Variants in ITFG1 observed in about 807,000 individuals in gnomAD.
The protein encoded by ITFG1 is T-cell immunomodulatory protein.
ITFG1 carries 34 observed loss-of-function variants against 81.8 expected under a neutral mutation model. That is an observed-to-expected ratio of 0.42 (90% CI 0.32 to 0.55). ITFG1 has a LOEUF of 0.55. Among genes scored for constraint, ITFG1 ranks in the 20% least tolerant of loss-of-function variants. The probability of loss-of-function intolerance (pLI) is 0.17; values close to 1 mark genes in which losing one functional copy is unlikely to be tolerated. For synonymous variants in ITFG1, 285 were observed against 270.6 expected (o/e 1.05, Z -0.52); for missense variants, 672 against 755.4 (o/e 0.89, Z 1.29).
chr16:47,296,521 C>T (rs999346231), intron 10 of ITFG1, among the ~76,000 whole-genome samples: 5 of 152,078 alleles, frequency 3.3e-5, no homozygotes, highest in African/African-American at 7.2e-5. Context: ...CTGAAACTTC[C>T]GCCTCCCGGA....
intron 12 of ITFG1, among the ~76,000 whole-genome samples, chr16:47,242,753 A>C (rs1567433379): frequency 6.6e-6 from 1 of 152,150 alleles, no homozygotes; most frequent in Admixed American, 6.5e-5. Context: ...AATTTCTGTG[A>C]AGGGACATCT....
intron 12 of ITFG1, among the ~76,000 whole-genome samples, chr16:47,250,163 C>T (rs905007300): frequency 6.6e-6 from 1 of 151,810 alleles, no homozygotes; most frequent in East Asian, 1.9e-4. Context: ...GTCATTTAGA[C>T]GACATTATTT....
rs183844281 is a variant in ITFG1, at chr16:47,204,321, T to G, written c.1453+14547A>C. On this transcript the variant is annotated intron_variant, in intron 14 of 17. Transcript: ENST00000320640. ...AATTTCAAAACAACTACTTTATGATTTCAAAGTTTGAATTTCTGTGAGTCA... is the reference window on the plus strand; with the variant it reads ...AATTTCAAAACAACTACTTTATGATGTCAAAGTTTGAATTTCTGTGAGTCA... Among the ~76,000 whole-genome samples the G allele has an allele frequency of 9.4e-4, 143 of 152,328 alleles. 1 individual carries two copies. Among genetic ancestry groups the G allele is most frequent in the African/African-American group, 3.3e-3 (139 of 41,576 alleles).
intron 6 of ITFG1, among the ~76,000 whole-genome samples, chr16:47,403,914 A>G (rs956660102): frequency 6.6e-6 from 1 of 150,586 alleles, no homozygotes; most frequent in Non-Finnish European, 1.5e-5. Context: ...GCATGGCATC[A>G]CCCTCAGAAG....
intron 8 of ITFG1, among the ~76,000 whole-genome samples, chr16:47,318,934 C>T (rs1456984664): frequency 6.6e-6 from 1 of 152,046 alleles, no homozygotes; most frequent in East Asian, 1.9e-4. Flanking sequence ...GGGTATTATC[C>T]CATCTATCGT....
At chr16:47,396,524 T>TGTGTGTGTGTGTGTGTGTTTGTG in intron 6 of ITFG1, among the ~76,000 whole-genome samples, 1 of 149,208 alleles carries the variant, frequency 6.7e-6, no homozygotes, top group African/African-American at 2.5e-5. Flanking sequence ...AATAATTATT[T>TGTGTGTGTGTGTGTGTGTTTGTG]TGTGTGTGTG....
chr16:47,161,678 A>C, intron 16 of ITFG1, 72 bp downstream of exon 16: 1 of 983,016 alleles, frequency 1.0e-6, no homozygotes, highest in Non-Finnish European at 1.6e-6. Context: ...GAGAGAGCTT[A>C]AAAGACATCA....
At chr16:47,435,965 T>C (rs1050894317) in intron 5 of ITFG1, among the ~76,000 whole-genome samples, 8 of 152,116 alleles carry the variant, frequency 5.3e-5, no homozygotes, top group African/African-American at 1.2e-4. Flanking sequence ...AATATAAATA[T>C]AATTGAATTG....
intron 12 of ITFG1, among the ~76,000 whole-genome samples, chr16:47,246,258 A>G (rs906571334): frequency 6.6e-6 from 1 of 152,190 alleles, no homozygotes; most frequent in Non-Finnish European, 1.5e-5. Flanking sequence ...GGATCACATG[A>G]TAAGACTTAA....
chr16:47,199,579 T>A (rs1965399839), intron 14 of ITFG1, among the ~76,000 whole-genome samples: 1 of 152,222 alleles, frequency 6.6e-6, no homozygotes, highest in Non-Finnish European at 1.5e-5. Flanking sequence ...TACAGGTTTG[T>A]AGCCTAGGCG....
intron 14 of ITFG1, among the ~76,000 whole-genome samples, chr16:47,182,014 A>G (rs1477393507): frequency 6.6e-6 from 1 of 152,020 alleles, no homozygotes; most frequent in African/African-American, 2.4e-5. Context: ...ACCACTCCCT[A>G]ATCTCAAGTA....
chr16:47,451,580 G>C (rs887751543), intron 4 of ITFG1, 110 bp from the exon 5 acceptor site: 6 of 618,022 alleles, frequency 9.7e-6, no homozygotes, highest in South Asian at 2.0e-5. Context: ...TACAATGCTC[G>C]CCAGTATCTA....
intron 13 of ITFG1, among the ~76,000 whole-genome samples, chr16:47,232,431 G>A (rs1229605234): frequency 1.3e-5 from 2 of 152,182 alleles, no homozygotes; most frequent in East Asian, 3.9e-4. Context: ...GTATTAAATA[G>A]TTCTTATGAA....
chr16:47,294,380 T>C (rs1966953249), intron 10 of ITFG1, among the ~76,000 whole-genome samples: 1 of 152,152 alleles, frequency 6.6e-6, no homozygotes, highest in African/African-American at 2.4e-5. Flanking sequence ...ATGTTTTTTC[T>C]AATTCTGTGA....
intron 5 of ITFG1, among the ~76,000 whole-genome samples, chr16:47,434,295 T>G (rs999888985): frequency 6.6e-6 from 1 of 151,798 alleles, no homozygotes; most frequent in African/African-American, 2.4e-5. Flanking sequence ...ATAAAATGTT[T>G]GCAATCTATC....
chr16:47,285,766 A>T (rs547182333), intron 10 of ITFG1, among the ~76,000 whole-genome samples: 2 of 152,216 alleles, frequency 1.3e-5, no homozygotes, highest in South Asian at 4.1e-4. Context: ...CTACACAATT[A>T]TATTACATAA....
chr16:47,260,433 C>G, intron 11 of ITFG1, 112 bp downstream of exon 11: 1 of 1,109,558 alleles, frequency 9.0e-7, no homozygotes, highest in Non-Finnish European at 1.3e-6. Context: ...TTAATTAACT[C>G]ATTTGCTTTT....
At chr16:47,412,769 C>T (rs1275318402) in intron 6 of ITFG1, among the ~76,000 whole-genome samples, 2 of 151,526 alleles carry the variant, frequency 1.3e-5, no homozygotes, top group Non-Finnish European at 2.9e-5. Context: ...GGAAAGACTC[C>T]CAGAGCATGA....
intron 1 of ITFG1, among the ~76,000 whole-genome samples, chr16:47,459,435 G>A (rs1342131092): frequency 6.6e-6 from 1 of 152,148 alleles, no homozygotes; most frequent in African/African-American, 2.4e-5. Flanking sequence ...TGAAGCCAGT[G>A]GATTCTGCGA....
Sources: allele counts gnomAD v4.1 joint callset (sites outside exome capture counted in the v4.1 genomes callset), GRCh38; gene constraint gnomAD v4.1.1; transcripts MANE v1.5; gene names NCBI Gene and HGNC (gene_info 2026-07-23, HGNC 2026-07-21).